Variants in MBP observed in about 807,000 individuals in gnomAD.
MBP encodes Golli-MBP.
In MBP, 16 loss-of-function variants were observed where a neutral mutation model predicts 35.8. The ratio of observed to expected loss-of-function variants is 0.45; its 90% CI spans 0.30 to 0.68. MBP has a LOEUF of 0.68. Among genes scored for constraint, MBP ranks in the 30% least tolerant of loss-of-function variants. The pLI, the probability that MBP is intolerant of heterozygous loss-of-function variation, is 0.08. For missense variants in MBP, 380 were observed against 404.7 expected (o/e 0.94, Z 0.52); for synonymous variants, 143 against 159.6 (o/e 0.90, Z 0.78).
chr18:77,072,211 A>G (rs540124132), intron 2 of MBP, among the ~76,000 whole-genome samples: 1 of 152,254 alleles, frequency 6.6e-6, no homozygotes, highest in South Asian at 2.1e-4. Context: ...ACAAATCTGA[A>G]TATGGCCTGG....
In MBP at chr18:77,081,767, TACAC is replaced by T. The variant is rs1208032259; in HGVS notation, c.52-15386_52-15383del. Reference sequence around the variant, plus strand: ...ATAGCAGCATATATATATATATATATACACACACACACACACACACACACACGTA... The same window carrying T: ...ATAGCAGCATATATATATATATATATACACACACACACACACACACACGTA... On this transcript the variant is annotated intron_variant, in intron 2 of 8. Coordinates refer to ENST00000355994, the MANE Select transcript of MBP (RefSeq NM_001025101.2). Among the ~76,000 whole-genome samples the T allele has an allele frequency of 7.9e-3, 788 of 99,598 alleles. 7 individuals are homozygous for T. Among genetic ancestry groups the T allele is most frequent in the East Asian group, 0.019 (69 of 3,680 alleles). The allele number at this position is 99,598 out of a possible 152,430, so 65.3% of individuals were successfully genotyped here. A position where few individuals can be genotyped will look rare whatever the true frequency, so the allele number is the denominator to read the frequency against.
chr18:77,049,184 G>T (rs1360338502), intron 3 of MBP, among the ~76,000 whole-genome samples: 1 of 150,232 alleles, frequency 6.7e-6, no homozygotes, highest in African/African-American at 2.5e-5. Flanking sequence ...CTTCCAAAGT[G>T]CTGGGATTAC....
At chr18:77,074,314 C>CGATCTCAAGGGGGTTCAGTGAGCCCG (rs1974570694) in intron 2 of MBP, among the ~76,000 whole-genome samples, 1 of 149,806 alleles carries the variant, frequency 6.7e-6, no homozygotes, top group African/African-American at 2.5e-5. Flanking sequence ...CAGTGAGCCC[C>CGATCTCAAGGGGGTTCAGTGAGCCCG]GGTCTCAAGG....
chr18:77,104,064 C>T (rs975970126), intron 2 of MBP, among the ~76,000 whole-genome samples: 5 of 152,198 alleles, frequency 3.3e-5, no homozygotes, highest in East Asian at 1.9e-4. Flanking sequence ...GTAGAGGAGC[C>T]GCCACTGGAA....
chr18:77,128,256 A>G (rs1332176470), intron 1 of MBP, among the ~76,000 whole-genome samples: 1 of 152,224 alleles, frequency 6.6e-6, no homozygotes, highest in Non-Finnish European at 1.5e-5. Context: ...TCTCAAGGGA[A>G]TTGCGTTTAG....
At chr18:77,097,770 C>T (rs1371627760) in intron 2 of MBP, among the ~76,000 whole-genome samples, 2 of 152,152 alleles carry the variant, frequency 1.3e-5, no homozygotes, top group Non-Finnish European at 2.9e-5. Context: ...GTCTGCAGAG[C>T]CAGGTGTTTT....
intron 3 of MBP, among the ~76,000 whole-genome samples, chr18:77,061,234 C>G (rs2144769203): frequency 6.6e-6 from 1 of 152,356 alleles, no homozygotes; most frequent in South Asian, 2.1e-4. Flanking sequence ...CTAATCTCCA[C>G]ATGTGCTATA....
chr18:77,013,165 C>CA, intron 4 of MBP: 1 of 985,422 alleles, frequency 1.0e-6, no homozygotes, highest in Non-Finnish European at 1.2e-6. Context: ...GGTGCAGAAA[C>CA]AAATGCACCC....
At chr18:77,015,200 A>G (rs934035540) in intron 4 of MBP, 2 of 985,258 alleles carry the variant, frequency 2.0e-6, no homozygotes, top group African/African-American at 1.7e-5. Flanking sequence ...AGTGTCACTC[A>G]CATGAAGCTT....
At chr18:77,085,683 G>GTTT (rs10645727) in intron 2 of MBP, among the ~76,000 whole-genome samples, 26,578 of 124,044 alleles carry the variant, frequency 0.21, 3,969 homozygotes, top group East Asian at 0.4. Context: ...AGTGCAATAA[G>GTTT]TTTTTTTTTT....
chr18:77,118,191 C>G (rs1442072331), intron 1 of MBP, among the ~76,000 whole-genome samples: 2 of 14,624 alleles, frequency 1.4e-4, no homozygotes, highest in East Asian at 3.9e-3. Flanking sequence ...GGATGGGGGA[C>G]AGTGGGTTGG....
intron 2 of MBP, chr18:77,066,635 A>G: frequency 1.4e-6 from 1 of 701,726 alleles, no homozygotes; most frequent in Non-Finnish European, 2.6e-6. Context: ...ATACAAAAAA[A>G]TTGGAATATC....
chr18:77,132,050 C>G (rs1004276673), intron 1 of MBP, among the ~76,000 whole-genome samples: 1 of 152,056 alleles, frequency 6.6e-6, no homozygotes, highest in Non-Finnish European at 1.5e-5. Context: ...GATTAGCAGG[C>G]GCCGCGAGCC....
intron 3 of MBP, among the ~76,000 whole-genome samples, chr18:77,058,630 G>A (rs1973840259): frequency 6.6e-6 from 1 of 152,118 alleles, no homozygotes; most frequent in Non-Finnish European, 1.5e-5. Flanking sequence ...CTTGGAACAC[G>A]GCCGCAGTGA....
intron 4 of MBP, among the ~76,000 whole-genome samples, chr18:76,996,702 G>A (rs1274285366): frequency 3.9e-5 from 6 of 152,102 alleles, no homozygotes; most frequent in African/African-American, 1.2e-4. Context: ...GAGCTGGGGG[G>A]CAGGGAGTGG....
At chr18:77,006,836 G>T (rs1971008690) in intron 4 of MBP, 1 of 152,384 alleles carries the variant, frequency 6.6e-6, no homozygotes, top group Admixed American at 6.5e-5. Flanking sequence ...CATAGCTGGG[G>T]TGTCTCCCTT....
chr18:77,050,968 T>C (rs1973465084), intron 3 of MBP, among the ~76,000 whole-genome samples: 1 of 119,614 alleles, frequency 8.4e-6, no homozygotes. Context: ...CCACTAATTA[T>C]AATATTTGCC....
chr18:77,074,901 T>G lies in MBP; in HGVS notation c.52-8516A>C, dbSNP rs182087032. ...AAGATCACAGCAACTAAATAGAAAA[T>G]TACAGACAAAAGTTTTAATTTACCT... is the stretch of plus-strand genomic sequence containing the variant. On this transcript the variant is annotated intron_variant, in intron 2 of 8. Coordinates refer to ENST00000355994, the MANE Select transcript of MBP (RefSeq NM_001025101.2). Among the ~76,000 whole-genome samples the G allele has an allele frequency of 5.9e-5, 9 of 152,200 alleles. No individual in the cohort carries two copies. The East Asian group carries it at 1.7e-3, about 29-fold the overall frequency.
chr18:77,024,591 A>G (rs1568298473), intron 3 of MBP, among the ~76,000 whole-genome samples: 1 of 152,212 alleles, frequency 6.6e-6, no homozygotes, highest in Non-Finnish European at 1.5e-5. Flanking sequence ...CGCCTTCCAC[A>G]AGCCCCAGGC....
Sources: gnomAD v4.1 joint callset for allele counts (sites outside exome capture counted in the v4.1 genomes callset) on GRCh38, gnomAD v4.1.1 for gene constraint, MANE v1.5 for transcripts, NCBI Gene and HGNC (gene_info 2026-07-23, HGNC 2026-07-21) for gene names.